Variants in KLHL8 observed in about 807,000 individuals in gnomAD.
KLHL8 encodes kelch-like protein 8.
Under a neutral mutation model 63.5 loss-of-function variants are expected in KLHL8, and 38 were observed. That is an observed-to-expected ratio of 0.60 (90% confidence interval 0.46 to 0.78). KLHL8 has a LOEUF of 0.78. Ranked by LOEUF, KLHL8 falls within the 30% of genes least tolerant of loss-of-function variation. The pLI is 0.00. For synonymous variants in KLHL8, 224 were observed against 254.3 expected (o/e 0.88, Z 1.13); for missense variants, 566 against 752.4 (o/e 0.75, Z 2.90).
intron 8 of KLHL8, chr4:87,166,856 C>T (rs374885320): frequency 6.3e-5 from 10 of 159,144 alleles, no homozygotes; most frequent in African/African-American, 2.4e-4. Flanking sequence ...CCCACAGCCC[C>T]ACCAGGAAGC....
chr4:87,176,351 C>T (rs1370115486), intron 6 of KLHL8, among the ~76,000 whole-genome samples: 1 of 152,144 alleles, frequency 6.6e-6, no homozygotes, highest in East Asian at 1.9e-4. Context: ...TTTTCCCATC[C>T]CCAAGCTGTG....
intron 8 of KLHL8, among the ~76,000 whole-genome samples, chr4:87,164,960 A>G (rs1008060730): frequency 5.3e-5 from 8 of 152,120 alleles, no homozygotes; most frequent in South Asian, 4.2e-4. Flanking sequence ...CATCCTGGCT[A>G]ACACGGTGAA....
At position 87,172,161 on chromosome 4, in the gene KLHL8, T is replaced by C. The variant is rs142931214; in HGVS notation, c.1209-1546A>G. Among the ~76,000 whole-genome samples the C allele has an allele frequency of 4.0e-3, 612 of 152,204 alleles. 4 individuals are homozygous for C. The highest frequency in any genetic ancestry group is 0.014 in the African/African-American group (595 of 41,528). On this transcript the variant is annotated intron_variant, in intron 6 of 9. Coordinates refer to ENST00000273963, the MANE Select transcript of KLHL8 (RefSeq NM_020803.5). ...GTTTCTCCAGCTGATTGTCAGAAAT[T>C]CAAAAAACCAAGTGAATGCAGTGTG... is the stretch of plus-strand genomic sequence containing the variant.
intron 6 of KLHL8, 44 bp downstream of exon 6, chr4:87,176,711 CTT>C (rs1270252207): frequency 2.7e-6 from 3 of 1,128,466 alleles, no homozygotes; most frequent in Non-Finnish European, 3.9e-6. Context: ...TTTTAAGAAA[CTT>C]TATTTCCACC....
intron 2 of KLHL8, among the ~76,000 whole-genome samples, chr4:87,189,119 A>G (rs745379340): frequency 1.3e-5 from 2 of 152,170 alleles, no homozygotes; most frequent in Non-Finnish European, 2.9e-5. Flanking sequence ...CACACAGAAA[A>G]CGGAAGTGAG....
chr4:87,222,938 A>C (rs1042809639), upstream of KLHL8, among the ~76,000 whole-genome samples: 13 of 151,912 alleles, frequency 8.6e-5, no homozygotes, highest in African/African-American at 3.1e-4. Context: ...TTTATAGCCT[A>C]AGCTTTTATT....
At chr4:87,164,954 C>A (rs563259339) in intron 8 of KLHL8, among the ~76,000 whole-genome samples, 2 of 151,992 alleles carry the variant, frequency 1.3e-5, no homozygotes, top group South Asian at 2.1e-4. Flanking sequence ...CGAGACCATC[C>A]TGGCTAACAC....
rs745453324 is a variant in KLHL8 at position 87,185,727 on chromosome 4, G to C, written c.289C>G (p.Leu97Val). ...CVIPYFRAMF[L>V]SEMAEAKQTL... is the part of the protein sequence containing the mutation. ...TGCTTGGCTTCAGCCATTTCAGAAAGAAACATGGCTCTAAAGTAGGGAATA... is the reference window on the plus strand; with the variant it reads ...TGCTTGGCTTCAGCCATTTCAGAAACAAACATGGCTCTAAAGTAGGGAATA... Residue 97 changes from leucine to valine, a missense_variant, in exon 3 of 10, where the codon CTT becomes GTT. Transcript: ENST00000273963. 1.2e-6 allele frequency: 2 copies of C among 1,613,514 alleles called. No individual in the cohort carries two copies. Among genetic ancestry groups the C allele is most frequent in the Non-Finnish European group, 1.7e-6 (2 of 1,179,752 alleles).
In KLHL8 at chr4:87,178,396, T is replaced by C. The variant is rs574113113; in HGVS notation, c.1096+81A>G. ...AATTTACAATTTAGTCATTTTCTTA[T>C]ATAAAAATAAATTCTCAGAGTTGAA... On this transcript the variant is annotated intron_variant, in intron 5 of 9. Transcript: ENST00000273963. 3.6e-5 allele frequency: 49 copies of C among 1,363,808 alleles called. No individual in the cohort carries two copies. In the South Asian group the frequency reaches 5.4e-4, roughly 15 times the overall value. 84.5% of individuals were successfully genotyped at this position (1,363,808 alleles called of 1,614,324 possible).
intron 1 of KLHL8, among the ~76,000 whole-genome samples, chr4:87,200,467 G>A (rs1045204456): frequency 2.7e-4 from 41 of 151,926 alleles, no homozygotes; most frequent in African/African-American, 9.9e-4. Context: ...ATTTTTATTG[G>A]ATTTAAAAAA....
At chr4:87,165,420 G>T (rs150977360) in intron 8 of KLHL8, among the ~76,000 whole-genome samples, 1 of 152,010 alleles carries the variant, frequency 6.6e-6, no homozygotes, top group Non-Finnish European at 1.5e-5. Context: ...TTTTGAGACA[G>T]GGTCTGACTG....
At chr4:87,180,208 A>C (rs1730998186) in intron 4 of KLHL8, among the ~76,000 whole-genome samples, 1 of 152,214 alleles carries the variant, frequency 6.6e-6, no homozygotes, top group African/African-American at 2.4e-5. Flanking sequence ...TTTAACACAC[A>C]GTATTAAAAT....
At chr4:87,211,761 C>T (rs913553236) in intron 1 of KLHL8, among the ~76,000 whole-genome samples, 2 of 152,040 alleles carry the variant, frequency 1.3e-5, no homozygotes, top group East Asian at 1.9e-4. Context: ...GAAGTCAGGG[C>T]GTGCTGAAAT....
intron 1 of KLHL8, among the ~76,000 whole-genome samples, chr4:87,210,456 G>A (rs1258197030): frequency 6.6e-6 from 1 of 152,054 alleles, no homozygotes; most frequent in East Asian, 1.9e-4. Context: ...ACTCCAGCCT[G>A]GGCGACAGAG....
chr4:87,185,922 C>A lies in KLHL8; in HGVS notation c.217-123G>T. ...AAATTTAGAGTATCTTTTTATAAGG[C>A]GATCCTTTGATCACTTACTTTCAAG... On this transcript the variant is annotated intron_variant, in intron 2 of 9. Coordinates refer to ENST00000273963, the MANE Select transcript of KLHL8 (RefSeq NM_020803.5). 8 of 781,770 alleles carry A rather than the reference C, an allele frequency of 1.0e-5. No individual in the cohort carries two copies. The South Asian group carries it at 1.6e-4, about 16-fold the overall frequency. 48.4% of individuals were successfully genotyped at this position (781,770 alleles called of 1,614,324 possible).
At chr4:87,174,340 G>C (rs1330528035) in intron 6 of KLHL8, among the ~76,000 whole-genome samples, 1 of 151,298 alleles carries the variant, frequency 6.6e-6, no homozygotes, top group Non-Finnish European at 1.5e-5. Context: ...GTGCAATGGC[G>C]CAATCTCGGC....
At chr4:87,222,193 A>G (rs751917793), upstream of KLHL8, among the ~76,000 whole-genome samples, 1 of 152,232 alleles carries the variant, frequency 6.6e-6, no homozygotes, top group Non-Finnish European at 1.5e-5. Flanking sequence ...AGGAAGAAAG[A>G]CTGAAGTCTG....
chr4:87,217,852 T>A (rs958615807), intron 1 of KLHL8, among the ~76,000 whole-genome samples: 7 of 152,156 alleles, frequency 4.6e-5, no homozygotes, highest in African/African-American at 1.4e-4. Context: ...ACCAAAAATT[T>A]AAACATTCAA....
chr4:87,215,034 A>C (rs1732544839), intron 1 of KLHL8, among the ~76,000 whole-genome samples: 1 of 152,120 alleles, frequency 6.6e-6, no homozygotes, highest in Non-Finnish European at 1.5e-5. Context: ...CTTGGCCTCA[A>C]GTGATCCACC....
Sources: gnomAD v4.1 joint callset for allele counts (sites outside exome capture counted in the v4.1 genomes callset) on GRCh38, gnomAD v4.1.1 for gene constraint, MANE v1.5 for transcripts, NCBI Gene and HGNC (gene_info 2026-07-23, HGNC 2026-07-21) for gene names.